The following C1orf21 variants were observed in gnomAD, a reference collection of about 807,000 sequenced individuals.
C1orf21 encodes the protein chromosome 1 open reading frame 21, also known as uncharacterized protein C1orf21.
In C1orf21, 3 loss-of-function variants were observed where a neutral mutation model predicts 18.7. The ratio of observed to expected loss-of-function variants is 0.16; its 90% CI spans 0.07 to 0.42. The LOEUF (loss-of-function observed/expected upper bound fraction) is 0.42. Among genes scored for constraint, C1orf21 ranks in the 10% least tolerant of loss-of-function variants. C1orf21 has a pLI of 0.99. For synonymous variants in C1orf21, 41 were observed against 46.4 expected (o/e 0.88, Z 0.47); for missense variants, 104 against 143.6 (o/e 0.72, Z 1.41).
At chr1:184,491,552 A>G (rs1263234936) in intron 2 of C1orf21, among the ~76,000 whole-genome samples, 1 of 152,150 alleles carries the variant, frequency 6.6e-6, no homozygotes, top group Non-Finnish European at 1.5e-5. Flanking sequence ...GATTTTCACC[A>G]TATTGCCCAG....
intron 1 of C1orf21, among the ~76,000 whole-genome samples, 180 bp from the exon 2 acceptor site, chr1:184,477,206 G>A (rs1228839981): frequency 6.6e-6 from 1 of 152,132 alleles, no homozygotes; most frequent in Non-Finnish European, 1.5e-5. Context: ...TTCTGAGTGG[G>A]AAATCAAGTG....
At chr1:184,404,239 T>C (rs1463867705) in intron 1 of C1orf21, among the ~76,000 whole-genome samples, 1 of 152,206 alleles carries the variant, frequency 6.6e-6, no homozygotes, top group Non-Finnish European at 1.5e-5. Flanking sequence ...TGTTCCAGAG[T>C]ATCTTGTTAA....
intron 3 of C1orf21, among the ~76,000 whole-genome samples, chr1:184,553,724 T>C (rs995140713): frequency 2.0e-5 from 3 of 152,178 alleles, no homozygotes; most frequent in African/African-American, 7.2e-5. Flanking sequence ...TCACAAAGCA[T>C]AACTTGACTC....
intron 5 of C1orf21, 139 bp from the exon 6 acceptor site, chr1:184,619,379 C>G: frequency 1.2e-6 from 1 of 836,480 alleles, no homozygotes. Flanking sequence ...CGTAGCTACC[C>G]CTGTGCCAGC....
intron 1 of C1orf21, among the ~76,000 whole-genome samples, chr1:184,441,911 A>T (rs1264466578): frequency 6.6e-6 from 1 of 152,144 alleles, no homozygotes. Flanking sequence ...ATTGATATTC[A>T]CTGGTAAAAT....
At chr1:184,532,600 A>T (rs1658485017) in intron 3 of C1orf21, among the ~76,000 whole-genome samples, 2 of 152,096 alleles carry the variant, frequency 1.3e-5, no homozygotes, top group Admixed American at 1.3e-4. Context: ...AAAAAAAATT[A>T]GCCAAGCCTG....
At chr1:184,494,955 C>T (rs967906573) in intron 2 of C1orf21, among the ~76,000 whole-genome samples, 31 of 151,870 alleles carry the variant, frequency 2.0e-4, no homozygotes, top group African/African-American at 7.5e-4. Flanking sequence ...CTCAGCTGTA[C>T]CCAGGCACAG....
intron 3 of C1orf21, among the ~76,000 whole-genome samples, chr1:184,573,110 A>G (rs1252737824): frequency 1.3e-5 from 2 of 152,148 alleles, no homozygotes; most frequent in South Asian, 2.1e-4. Context: ...AACTATTTTA[A>G]TATAGTCATT....
At chr1:184,415,749 A>G (rs1437408246) in intron 1 of C1orf21, among the ~76,000 whole-genome samples, 1 of 152,186 alleles carries the variant, frequency 6.6e-6, no homozygotes, top group Non-Finnish European at 1.5e-5. Flanking sequence ...AAAGTCTATT[A>G]GGCCTACTTA....
chr1:184,414,278 G>T (rs977004478), intron 1 of C1orf21, among the ~76,000 whole-genome samples: 3 of 152,118 alleles, frequency 2.0e-5, no homozygotes, highest in Admixed American at 6.5e-5. Context: ...CCACAGGCAT[G>T]CCAACATGCC....
At chr1:184,594,015 AAC>A (rs1415499307) in intron 4 of C1orf21, among the ~76,000 whole-genome samples, 12 of 152,384 alleles carry the variant, frequency 7.9e-5, no homozygotes, top group African/African-American at 2.6e-4. Flanking sequence ...GGGTTGTGGG[AAC>A]ACACACGCAG....
chr1:184,468,291 C>G (rs945660321), intron 1 of C1orf21, among the ~76,000 whole-genome samples: 1 of 152,108 alleles, frequency 6.6e-6, no homozygotes, highest in Non-Finnish European at 1.5e-5. Flanking sequence ...ATCTCAGACT[C>G]TCTTCAGACC....
At chr1:184,398,591 T>G (rs1038572893) in intron 1 of C1orf21, among the ~76,000 whole-genome samples, 6 of 152,234 alleles carry the variant, frequency 3.9e-5, no homozygotes, top group Non-Finnish European at 8.8e-5. Context: ...GATGATTTCA[T>G]CATTGTGCAT....
chr1:184,565,066 T>C (rs915608623), intron 3 of C1orf21, among the ~76,000 whole-genome samples: 1 of 152,224 alleles, frequency 6.6e-6, no homozygotes, highest in Non-Finnish European at 1.5e-5. Context: ...TAGACTAGAC[T>C]ACCCTTAAAA....
chr1:184,437,133 T>G (rs1656871254), intron 1 of C1orf21, among the ~76,000 whole-genome samples: 1 of 152,128 alleles, frequency 6.6e-6, no homozygotes, highest in Admixed American at 6.5e-5. Flanking sequence ...AAGATTGAGA[T>G]GTTTGAATCT....
At chr1:184,494,908 A>G (rs184123512) in intron 2 of C1orf21, among the ~76,000 whole-genome samples, 4 of 151,484 alleles carry the variant, frequency 2.6e-5, no homozygotes, top group Non-Finnish European at 4.4e-5. Flanking sequence ...TAAAAAGAAC[A>G]TCATTAACAG....
chr1:184,425,400 A>C (rs1656619965), intron 1 of C1orf21, among the ~76,000 whole-genome samples: 1 of 151,558 alleles, frequency 6.6e-6, no homozygotes, highest in Admixed American at 6.6e-5. Flanking sequence ...AGAGTAGCTG[A>C]GACTACAGGC....
chr1:184,527,539 A>G (rs1658395445), intron 3 of C1orf21, among the ~76,000 whole-genome samples: 1 of 152,184 alleles, frequency 6.6e-6, no homozygotes, highest in Non-Finnish European at 1.5e-5. Context: ...AGCAGAGGCC[A>G]GGGACTTAAA....
At chr1:184,390,630 G>C (rs1655957556) in intron 1 of C1orf21, among the ~76,000 whole-genome samples, 1 of 152,154 alleles carries the variant, frequency 6.6e-6, no homozygotes, top group African/African-American at 2.4e-5. Context: ...CTCCCAAGGT[G>C]AGGGAAGGGT....
Sources: allele counts gnomAD v4.1 joint callset (sites outside exome capture counted in the v4.1 genomes callset), GRCh38; gene constraint gnomAD v4.1.1; transcripts MANE v1.5; gene names NCBI Gene and HGNC (gene_info 2026-07-23, HGNC 2026-07-21).